The following HGF variants were observed in gnomAD, a reference collection of about 807,000 sequenced individuals.
The protein encoded by HGF is hepatocyte growth factor.
A neutral mutation model predicts 111.6 loss-of-function variants in HGF; 39 were observed. The ratio of observed to expected loss-of-function variants is 0.35; its 90% CI spans 0.27 to 0.46. HGF has a LOEUF of 0.46. HGF is among the 20% of genes least tolerant of loss of function. HGF has a pLI of 1.00. For synonymous variants in HGF, 285 were observed against 294.8 expected, an observed-to-expected ratio of 0.97 and a Z score of 0.34; for missense variants, 735 against 910.5, an observed-to-expected ratio of 0.81 and a Z score of 2.48.
At chr7:81,724,743 C>T (rs1054123355) in intron 9 of HGF, among the ~76,000 whole-genome samples, 2 of 152,062 alleles carry the variant, frequency 1.3e-5, no homozygotes, top group Non-Finnish European at 2.9e-5. Context: ...AATGGGATTG[C>T]TGTGTTGAAT....
At chr7:81,746,759 T>C (rs1562895900) in intron 5 of HGF, among the ~76,000 whole-genome samples, 1 of 152,106 alleles carries the variant, frequency 6.6e-6, no homozygotes, top group African/African-American at 2.4e-5. Context: ...AGCAGTATTA[T>C]AAAAATTTTT....
Position 81,757,317 on chromosome 7 carries a change from T to C in HGF, c.368-14A>G, listed in dbSNP as rs770377118. 1 of 1,367,648 alleles carries C rather than the reference T, an allele frequency of 7.3e-7. No homozygotes were observed. Among genetic ancestry groups the C allele is most frequent in the Admixed American group, 1.7e-5 (1 of 59,640 alleles). 84.7% of individuals were successfully genotyped at this position (1,367,648 alleles called of 1,614,324 possible). On this transcript the variant is annotated splice_polypyrimidine_tract_variant and intron_variant, in intron 3 of 17. Transcript: ENST00000222390. ...TTCTAATGTAGTCTATTGAAGAAAG[T>C]AGATAAAATTATTGCAACTATGCAA...
rs1251596241 is a variant in HGF at position 81,710,253 on chromosome 7, G to C, written c.1445-10C>G. ...CAAGATATTACGGGATCTGAAACAG[G>C]ACCAAACATAACATTTTTTAAAATA... On this transcript the variant is annotated splice_polypyrimidine_tract_variant and intron_variant, in intron 12 of 17. Transcript: ENST00000222390. 1.3e-6 allele frequency: 2 copies of C among 1,578,700 alleles called. No homozygotes were observed. Among genetic ancestry groups the C allele is most frequent in the Non-Finnish European group, 1.7e-6 (2 of 1,148,004 alleles).
intron 9 of HGF, 78 bp downstream of exon 9, chr7:81,725,812 A>G: frequency 6.8e-7 from 1 of 1,471,890 alleles, no homozygotes; most frequent in South Asian, 1.1e-5. Context: ...AGTAGATCTT[A>G]TGCTGTAAAA....
intron 5 of HGF, among the ~76,000 whole-genome samples, chr7:81,745,735 G>A (rs5745661): frequency 0.81 from 123,830 of 152,202 alleles, 50,729 homozygotes; most frequent in Middle Eastern, 0.9. Context: ...TTACATTCCT[G>A]TCTGGCTTAG....
chr7:81,758,714 T>G lies in HGF; in HGVS notation c.345A>C (p.Glu115Asp), dbSNP rs1316302422. Residue 115 changes from glutamate (E) to aspartate (D), a missense_variant, in exon 3 of 18, where the codon GAA (glutamate) becomes GAC (aspartate). Transcript: ENST00000222390. ...SSGVKKEFGH[E>D]FDLYENKDYI... ...TACCTTTGTTTTCATAGAGGTCAAATTCATGGCCAAATTCTTTTTTCACTC... is the reference window on the plus strand; with the variant it reads ...TACCTTTGTTTTCATAGAGGTCAAAGTCATGGCCAAATTCTTTTTTCACTC... The G allele has an allele frequency of 6.2e-7, 1 of 1,609,582 alleles. No individual in the cohort carries two copies. Among genetic ancestry groups the G allele is most frequent in the East Asian group, 2.2e-5 (1 of 44,718 alleles).
chr7:81,736,516 A>G (rs1787830810), intron 7 of HGF, among the ~76,000 whole-genome samples: 1 of 152,118 alleles, frequency 6.6e-6, no homozygotes, highest in Non-Finnish European at 1.5e-5. Flanking sequence ...TAATTTATAA[A>G]TTAAACTTTA....
chr7:81,752,306 T>A, intron 4 of HGF, 44 bp from the exon 5 acceptor site: 1 of 1,538,656 alleles, frequency 6.5e-7, no homozygotes, highest in Non-Finnish European at 9.0e-7. Context: ...AGCATGCAAC[T>A]TTTTTTTGCC....
chr7:81,733,731 G>A (rs930092260), intron 7 of HGF, among the ~76,000 whole-genome samples: 3 of 152,080 alleles, frequency 2.0e-5, no homozygotes, highest in Non-Finnish European at 4.4e-5. Context: ...GAGTTATTAT[G>A]AGTCTCCATG....
Position 81,721,041 on chromosome 7 carries a change from C to T in HGF, c.1169-194G>A, listed in dbSNP as rs191189440. Among the ~76,000 whole-genome samples, 12 of 152,294 alleles carry T rather than the reference C, an allele frequency of 7.9e-5. No individual in the cohort carries two copies. The East Asian group carries it at 1.5e-3, about 20-fold the overall frequency. The stretch of plus-strand genomic sequence containing the variant: ...CGGGCCCATCACGAGGTCAGGAGAT[C>T]GAGACCATCCTGGCTAACACGGTGA... On this transcript the variant is annotated intron_variant, in intron 9 of 17. Coordinates refer to ENST00000222390, the MANE Select transcript of HGF (RefSeq NM_000601.6).
At chr7:81,708,347 C>T (rs1379082505) in intron 13 of HGF, among the ~76,000 whole-genome samples, 2 of 151,944 alleles carry the variant, frequency 1.3e-5, no homozygotes, top group African/African-American at 4.8e-5. Context: ...AATAGCTTCA[C>T]CTGCTTTTCC....
chr7:81,712,961 TCAG>T (rs1297392769), intron 11 of HGF, among the ~76,000 whole-genome samples: 3 of 152,188 alleles, frequency 2.0e-5, no homozygotes, highest in Non-Finnish European at 4.4e-5. Flanking sequence ...GGTTTGTCAG[TCAG>T]CTGAGGTCAG....
At position 81,770,012 on chromosome 7, in the gene HGF, G is replaced by T. The variant is rs768292342; in HGVS notation, c.-41C>A. On this transcript the variant is annotated 5_prime_UTR_variant, in exon 1 of 18. Transcript: ENST00000222390. ...GCTGGCGGATCCCTCTGGAGGAGAT[G>T]CCTGGGTGAAAGAATCCTGTTCGGA... 8 of 1,444,432 alleles carry T rather than the reference G, an allele frequency of 5.5e-6. No individual in the cohort carries two copies. The highest frequency in any genetic ancestry group is 7.6e-6 in the Non-Finnish European group (8 of 1,052,506). 89.5% of individuals were successfully genotyped at this position (1,444,432 alleles called of 1,614,324 possible).
At chr7:81,707,072 G>C (rs1314154919) in intron 14 of HGF, among the ~76,000 whole-genome samples, 1 of 151,972 alleles carries the variant, frequency 6.6e-6, no homozygotes, top group Non-Finnish European at 1.5e-5. Context: ...CCAACTGAGG[G>C]TAACACTAAT....
chr7:81,718,799 A>G (rs1344744477), intron 10 of HGF, among the ~76,000 whole-genome samples: 1 of 152,150 alleles, frequency 6.6e-6, no homozygotes, highest in Non-Finnish European at 1.5e-5. Flanking sequence ...CTTCTAGTGT[A>G]AAATCACTGA....
chr7:81,757,300 T>C lies in HGF; in HGVS notation c.371A>G (p.Tyr124Cys). The change falls in exon 4 of 18, where the codon TAC (tyrosine) becomes TGC (cysteine). Residue 124 changes from tyrosine to cysteine, a missense_variant. Transcript: ENST00000222390. Reference sequence around the variant, plus strand: ...TTTACCAATGATGCAGTTTCTAATGTAGTCTATTGAAGAAAGTAGATAAAA... The same window carrying C: ...TTTACCAATGATGCAGTTTCTAATGCAGTCTATTGAAGAAAGTAGATAAAA... ...HEFDLYENKD[Y>C]IRNCIIGKGR... The C allele has an allele frequency of 6.6e-7, 1 of 1,509,858 alleles. No individual in the cohort carries two copies. The highest frequency in any genetic ancestry group is 9.2e-7 in the Non-Finnish European group (1 of 1,084,700). 93.5% of individuals were successfully genotyped at this position (1,509,858 alleles called of 1,614,324 possible).
At chr7:81,726,898 C>T (rs1320871474) in intron 8 of HGF, among the ~76,000 whole-genome samples, 1 of 151,580 alleles carries the variant, frequency 6.6e-6, no homozygotes, top group East Asian at 1.9e-4. Flanking sequence ...TAAGTAGGTG[C>T]TTTCATTTCA....
chr7:81,735,028 A>G (rs1316899958), intron 7 of HGF, among the ~76,000 whole-genome samples: 1 of 152,102 alleles, frequency 6.6e-6, no homozygotes, highest in East Asian at 1.9e-4. Flanking sequence ...AATTTACTTT[A>G]TGAAGGTCCC....
At chr7:81,739,978 C>T (rs1311223573) in intron 7 of HGF, among the ~76,000 whole-genome samples, 1 of 152,138 alleles carries the variant, frequency 6.6e-6, no homozygotes, top group African/African-American at 2.4e-5. Flanking sequence ...ATACCCTACC[C>T]ATATCAATCA....
Sources: allele counts gnomAD v4.1 joint callset (sites outside exome capture counted in the v4.1 genomes callset), GRCh38; gene constraint gnomAD v4.1.1; transcripts MANE v1.5; gene names NCBI Gene and HGNC (gene_info 2026-07-23, HGNC 2026-07-21).